Variants in DPP8 observed in about 807,000 individuals in gnomAD.
DPP8 encodes the protein DPP VIII.
Under a neutral mutation model 107.5 loss-of-function variants are expected in DPP8, and 31 were observed. The observed-to-expected ratio is 0.29, with a 90% confidence interval of 0.22 to 0.39. The LOEUF (loss-of-function observed/expected upper bound fraction) is 0.39, where lower values mean the gene tolerates loss of function less well. Ranked by LOEUF, DPP8 falls within the 10% of genes least tolerant of loss-of-function variation. The pLI is 1.00. For missense variants in DPP8, 842 were observed against 1,076.1 expected (o/e 0.78, Z 3.04); for synonymous variants, 381 against 356.6 (o/e 1.07, Z -0.77).
chr15:65,470,084 C>T (rs1379252004), intron 12 of DPP8, among the ~76,000 whole-genome samples: 1 of 148,498 alleles, frequency 6.7e-6, no homozygotes, highest in African/African-American at 2.5e-5. Context: ...GTAATACCAG[C>T]GACTCGAGAC....
chr15:65,451,035 A>G lies in DPP8; in HGVS notation c.2490T>C (p.Ser830=). The change falls in exon 19 of 20, where the codon AGT becomes AGC. Residue 830 remains serine (S), a synonymous_variant. Transcript: ENST00000300141. The part of the protein sequence containing the change: ...VHFAHTSILL[S]FLVRAGKPYD... ...ATGGCTTTCCAGCCCTCACTAAAAAACTCAGTAATATACTGGTATGTGCAA... is the reference window on the plus strand; with the variant it reads ...ATGGCTTTCCAGCCCTCACTAAAAAGCTCAGTAATATACTGGTATGTGCAA... 1 of 1,611,012 alleles carries G rather than the reference A, an allele frequency of 6.2e-7. No individual in the cohort carries two copies.
chr15:65,454,136 C>CAAAAA (rs370866269), intron 17 of DPP8, 127 bp downstream of exon 17: 22 of 352,340 alleles, frequency 6.2e-5, no homozygotes, highest in East Asian at 1.1e-4. Flanking sequence ...GACTTCGTCT[C>CAAAAA]AAAAAAAAAA....
chr15:65,491,833 C>T (rs920518093), intron 5 of DPP8, among the ~76,000 whole-genome samples: 17 of 152,036 alleles, frequency 1.1e-4, no homozygotes, highest in South Asian at 2.1e-4. Context: ...CCCGGGTTCA[C>T]GCCATTCTCC....
intron 1 of DPP8, 88 bp from the exon 2 acceptor site, chr15:65,512,652 G>C (rs1415697833): frequency 2.8e-6 from 4 of 1,448,810 alleles, no homozygotes; most frequent in Non-Finnish European, 3.8e-6. Context: ...AAAAGCGGGG[G>C]AGTGGGGAGG....
chr15:65,466,678 C>G lies in DPP8; in HGVS notation c.1825G>C (p.Gly609Arg). Residue 609 changes from glycine (G) to arginine (R), a missense_variant and splice_region_variant, in exon 14 of 20, where the codon GGT becomes CGT. By Grantham distance (125) the Gly-to-Arg change is moderately radical. Around this residue, in one of 2 missense-constraint regions of DPP8, gnomAD observed 663 missense variants for 758.0 expected, o/e 0.87. Transcript: ENST00000300141. ...CAGGATCAGGGGGAAAAAAGAATAC[C>G]TGCTGAATCCAAAATGGTGGCCCAA... is the stretch of plus-strand genomic sequence containing the variant. ...EFWATILDSA[G>R]PLPDYTPPEI... is the part of the protein sequence containing the mutation. 6.2e-7 allele frequency: 1 copy of G among 1,613,698 alleles called. No individual in the cohort carries two copies. The highest frequency in any genetic ancestry group is 8.5e-7 in the Non-Finnish European group (1 of 1,179,818).
intron 17 of DPP8, among the ~76,000 whole-genome samples, 198 bp from the exon 18 acceptor site, chr15:65,452,300 C>T (rs888476586): frequency 2.0e-5 from 3 of 152,156 alleles, no homozygotes; most frequent in Non-Finnish European, 4.4e-5. Context: ...GAGTCAGTTT[C>T]ATGTTCCATG....
intron 14 of DPP8, among the ~76,000 whole-genome samples, chr15:65,465,651 GT>G: frequency 6.6e-6 from 1 of 150,794 alleles, no homozygotes; most frequent in Non-Finnish European, 1.5e-5. Context: ...CGCCTCCTGG[GT>G]TCAAGCGATT....
chr15:65,474,098 C>T (rs2066166933), intron 12 of DPP8, 111 bp downstream of exon 12: 1 of 806,730 alleles, frequency 1.2e-6, no homozygotes, highest in Non-Finnish European at 2.1e-6. Flanking sequence ...GAGCAAGACT[C>T]TGTCTCGGAA....
In DPP8 at chr15:65,445,433, G is replaced by A. The variant is rs2063463334; in HGVS notation, c.*1451C>T. ...AATCTAGCACCCCAAGACTCTAACA[G>A]GGCAGATCTCAATTAGCACCTGAAA... On this transcript the variant is annotated 3_prime_UTR_variant, in exon 20 of 20. Transcript: ENST00000300141. The A allele has an allele frequency of 6.5e-6, 1 of 152,922 alleles. No individual in the cohort carries two copies. The highest frequency in any genetic ancestry group is 1.5e-5 in the Non-Finnish European group (1 of 68,024). The allele number at this position is 152,922 out of a possible 1,614,324, so 9.5% of individuals were successfully genotyped here. A position where few individuals can be genotyped will look rare whatever the true frequency, so the allele number is the denominator to read the frequency against.
At chr15:65,467,854 G>A (rs2065495729) in intron 12 of DPP8, among the ~76,000 whole-genome samples, 1 of 152,108 alleles carries the variant, frequency 6.6e-6, no homozygotes, top group Non-Finnish European at 1.5e-5. Flanking sequence ...TTGCAGCTTA[G>A]GGCAATCATT....
At position 65,480,411 on chromosome 15, in the gene DPP8, A is replaced by G. The variant is rs1002806820; in HGVS notation, c.1119-12T>C. 36 of 1,585,816 alleles carry G rather than the reference A, an allele frequency of 2.3e-5. No homozygotes were observed. The highest frequency in any genetic ancestry group is 3.0e-5 in the Non-Finnish European group (35 of 1,167,190). ...GGATGGACCAAGCACTATTTAAATA[A>G]ATAAAAGAGAAGAACCAGAAATAAA... On this transcript the variant is annotated splice_polypyrimidine_tract_variant and intron_variant, in intron 9 of 19. Transcript: ENST00000300141.
intron 16 of DPP8, among the ~76,000 whole-genome samples, chr15:65,454,729 T>C (rs1289349461): frequency 6.6e-6 from 1 of 152,166 alleles, no homozygotes; most frequent in African/African-American, 2.4e-5. Context: ...AGTTTCACTA[T>C]GGCCAGGCTA....
intron 2 of DPP8, among the ~76,000 whole-genome samples, chr15:65,511,801 T>C (rs1386088315): frequency 4.6e-5 from 7 of 152,058 alleles, no homozygotes; most frequent in South Asian, 2.1e-4. Context: ...TGGAAATATT[T>C]TGGAGGAGGG....
At chr15:65,456,106 A>ACC (rs968167414) in intron 16 of DPP8, 119 bp downstream of exon 16, 36 of 1,111,738 alleles carry the variant, frequency 3.2e-5, no homozygotes, top group East Asian at 7.9e-5. Flanking sequence ...TCTAACACAT[A>ACC]CACTCTCACT....
At chr15:65,483,917 T>C (rs1461046939) in intron 8 of DPP8, among the ~76,000 whole-genome samples, 3 of 152,232 alleles carry the variant, frequency 2.0e-5, no homozygotes, top group Non-Finnish European at 4.4e-5. Context: ...TGACACATGG[T>C]ACAACATGGA....
chr15:65,509,660 T>C (rs1483503380), intron 2 of DPP8, among the ~76,000 whole-genome samples: 2 of 152,172 alleles, frequency 1.3e-5, no homozygotes, highest in African/African-American at 2.4e-5. Flanking sequence ...TACTAAATAA[T>C]AGAGCTTCTT....
chr15:65,486,855 A>G (rs1048666249), intron 7 of DPP8, among the ~76,000 whole-genome samples: 1 of 152,176 alleles, frequency 6.6e-6, no homozygotes. Context: ...TGTGAGGAAT[A>G]AAAGACTACA....
intron 2 of DPP8, 79 bp downstream of exon 2, chr15:65,512,216 T>G: frequency 7.2e-7 from 1 of 1,387,382 alleles, no homozygotes; most frequent in Non-Finnish European, 9.9e-7. Context: ...TCATCAAACT[T>G]TTGAGTGTCA....
At chr15:65,463,309 C>T (rs190701766) in intron 15 of DPP8, among the ~76,000 whole-genome samples, 145 of 152,184 alleles carry the variant, frequency 9.5e-4, no homozygotes, top group Non-Finnish European at 1.5e-3. Flanking sequence ...GAGCCTGAGG[C>T]GGGTGGGTCA....
Sources: gnomAD v4.1 joint callset for allele counts (sites outside exome capture counted in the v4.1 genomes callset) on GRCh38, gnomAD v4.1.1 for gene constraint, gnomAD v4.1.1 regional missense constraint, MANE v1.5 for transcripts, NCBI Gene and HGNC (gene_info 2026-07-23, HGNC 2026-07-21) for gene names.